The following CPNE8 variants were observed in gnomAD, a reference collection of about 807,000 sequenced individuals.
CPNE8 encodes the protein copine 8, also known as copine-8.
A neutral mutation model predicts 81.5 loss-of-function variants in CPNE8; 45 were observed. The observed-to-expected ratio is 0.55, with a 90% CI of 0.44 to 0.71. CPNE8 has a LOEUF of 0.71. Ranked by LOEUF, CPNE8 falls within the 30% of genes least tolerant of loss-of-function variation. The pLI is 0.00. For missense variants in CPNE8, 594 were observed against 672.1 expected (o/e 0.88, Z 1.28); for synonymous variants, 252 against 226.3 (o/e 1.11, Z -1.02).
chr12:38,722,174 C>T (rs1248362501), intron 13 of CPNE8, among the ~76,000 whole-genome samples: 2 of 152,254 alleles, frequency 1.3e-5, no homozygotes, highest in South Asian at 2.1e-4. Context: ...GGAGTTTTTA[C>T]AGGAATAAAA....
intron 10 of CPNE8, among the ~76,000 whole-genome samples, chr12:38,742,566 T>G (rs532320962): frequency 6.6e-6 from 1 of 150,738 alleles, no homozygotes; most frequent in East Asian, 2.0e-4. Flanking sequence ...CATTAGGAGA[T>G]ATACCTAATG....
At chr12:38,732,770 T>C (rs1281898621) in intron 10 of CPNE8, among the ~76,000 whole-genome samples, 1 of 151,950 alleles carries the variant, frequency 6.6e-6, no homozygotes, top group Non-Finnish European at 1.5e-5. Flanking sequence ...ATTACAAGCA[T>C]CTCTATAAGC....
At chr12:38,672,081 G>T (rs555997018) in intron 18 of CPNE8, among the ~76,000 whole-genome samples, 1 of 151,794 alleles carries the variant, frequency 6.6e-6, no homozygotes, top group East Asian at 1.9e-4. Flanking sequence ...CATTACTTTG[G>T]GACATAAATA....
chr12:38,850,402 G>A (rs1943627360), intron 3 of CPNE8, among the ~76,000 whole-genome samples: 1 of 152,084 alleles, frequency 6.6e-6, no homozygotes, highest in Admixed American at 6.6e-5. Context: ...ACTCCCCAGA[G>A]CCTATTAGCC....
intron 4 of CPNE8, among the ~76,000 whole-genome samples, chr12:38,840,417 T>C (rs1374098446): frequency 6.6e-6 from 1 of 152,098 alleles, no homozygotes; most frequent in Non-Finnish European, 1.5e-5. Flanking sequence ...AATGTCAATA[T>C]CCTATTTGTG....
intron 13 of CPNE8, among the ~76,000 whole-genome samples, chr12:38,717,948 T>C (rs1940449056): frequency 6.6e-6 from 1 of 152,104 alleles, no homozygotes; most frequent in Non-Finnish European, 1.5e-5. Context: ...GAGGAGTTAC[T>C]GTGATTCATT....
chr12:38,902,393 G>GAGAAAGAA (rs1295439144), intron 1 of CPNE8, among the ~76,000 whole-genome samples: 19 of 54,668 alleles, frequency 3.5e-4, no homozygotes, highest in African/African-American at 1.5e-3. Flanking sequence ...AAGAAAGAAA[G>GAGAAAGAA]AGAAAGAAAG....
intron 14 of CPNE8, among the ~76,000 whole-genome samples, chr12:38,701,193 T>C (rs962558851): frequency 2.6e-5 from 4 of 152,200 alleles, no homozygotes; most frequent in African/African-American, 9.6e-5. Context: ...AGAATTGGTA[T>C]TAATTCCTCT....
chr12:38,766,206 C>T (rs147243524), intron 8 of CPNE8, among the ~76,000 whole-genome samples: 96 of 152,192 alleles, frequency 6.3e-4, no homozygotes, highest in African/African-American at 2.1e-3. Flanking sequence ...AAAAGTATCA[C>T]CAGGAGCATT....
intron 6 of CPNE8, among the ~76,000 whole-genome samples, chr12:38,780,285 T>C (rs1942023198): frequency 6.6e-6 from 1 of 152,080 alleles, no homozygotes; most frequent in African/African-American, 2.4e-5. Flanking sequence ...TATAAATAAA[T>C]TATCCATAAT....
At chr12:38,745,518 A>G (rs190167411) in intron 10 of CPNE8, among the ~76,000 whole-genome samples, 1 of 152,274 alleles carries the variant, frequency 6.6e-6, no homozygotes, top group African/African-American at 2.4e-5. Context: ...TGTTCAGAAA[A>G]CATTTGTTAA....
At chr12:38,771,738 T>C (rs1266557904) in intron 7 of CPNE8, among the ~76,000 whole-genome samples, 1 of 152,006 alleles carries the variant, frequency 6.6e-6, no homozygotes, top group Non-Finnish European at 1.5e-5. Context: ...CATAGAGCCT[T>C]GTGATATTGG....
At position 38,861,862 on chromosome 12, in the gene CPNE8, A is replaced by T. The variant is rs1943841128; in HGVS notation, c.186+11142T>A. Reference sequence around the variant, plus strand: ...CTAGAGAAATATTGACATATAGAGTAGTGGTGAGCATTACTTACAGAATTA... The same window carrying T: ...CTAGAGAAATATTGACATATAGAGTTGTGGTGAGCATTACTTACAGAATTA... On this transcript the variant is annotated intron_variant, in intron 3 of 19. Transcript: ENST00000331366. 2.0e-5 allele frequency among the ~76,000 whole-genome samples: 3 copies of T among 152,148 alleles called. No individual in the cohort carries two copies. In the South Asian group the frequency reaches 6.2e-4, roughly 32 times the overall value.
intron 6 of CPNE8, among the ~76,000 whole-genome samples, chr12:38,789,716 C>A (rs1277965879): frequency 6.6e-6 from 1 of 151,562 alleles, no homozygotes; most frequent in Non-Finnish European, 1.5e-5. Context: ...GATTCATAAT[C>A]AGAATACATA....
chr12:38,754,183 C>T (rs779896088), intron 10 of CPNE8, among the ~76,000 whole-genome samples: 7 of 152,054 alleles, frequency 4.6e-5, no homozygotes, highest in Non-Finnish European at 8.8e-5. Flanking sequence ...GAAGGGCTTT[C>T]CAAATGGTGA....
chr12:38,789,488 G>C (rs1385127653), intron 6 of CPNE8, among the ~76,000 whole-genome samples: 1 of 151,598 alleles, frequency 6.6e-6, no homozygotes, highest in Admixed American at 6.6e-5. Context: ...CTCAAATTAT[G>C]AAACTATGAA....
chr12:38,842,032 C>CAAAA (rs55757005), intron 4 of CPNE8, among the ~76,000 whole-genome samples: 1 of 131,610 alleles, frequency 7.6e-6, no homozygotes, highest in African/African-American at 2.9e-5. Context: ...TTTACAATAG[C>CAAAA]AAAAAAAAAA....
At chr12:38,674,731 A>C (rs1939250983) in intron 18 of CPNE8, among the ~76,000 whole-genome samples, 4 of 152,204 alleles carry the variant, frequency 2.6e-5, no homozygotes, top group African/African-American at 9.6e-5. Flanking sequence ...CAGCAATACA[A>C]CTTGCCTGTG....
intron 13 of CPNE8, among the ~76,000 whole-genome samples, chr12:38,717,584 C>G (rs1312529640): frequency 6.0e-5 from 9 of 151,094 alleles, no homozygotes. Context: ...ATATCTTGTT[C>G]TCACTTATAC....
Sources: allele counts gnomAD v4.1 joint callset (sites outside exome capture counted in the v4.1 genomes callset), GRCh38; gene constraint gnomAD v4.1.1; transcripts MANE v1.5; gene names NCBI Gene and HGNC (gene_info 2026-07-23, HGNC 2026-07-21).